FNDC3A: variants seen among roughly 807,000 people sequenced by gnomAD.
FNDC3A encodes the protein fibronectin type III domain containing 3A.
In FNDC3A, 32 loss-of-function variants were observed where a neutral mutation model predicts 148.9. The ratio of observed to expected loss-of-function variants is 0.21; its 90% CI spans 0.16 to 0.29. The LOEUF is 0.29. Among genes scored for constraint, FNDC3A ranks in the 10% least tolerant of loss-of-function variants. FNDC3A has a pLI of 1.00. For missense variants in FNDC3A, 1,191 were observed against 1,452.8 expected (o/e 0.82, Z 2.93); for synonymous variants, 472 against 473.6 (o/e 1.00, Z 0.04).
chr13:49,127,540 C>T (rs1448255610), intron 4 of FNDC3A, among the ~76,000 whole-genome samples: 1 of 152,190 alleles, frequency 6.6e-6, no homozygotes, highest in East Asian at 1.9e-4. Context: ...CTATCAGCAG[C>T]ATTTGACACA....
At chr13:49,065,481 C>G (rs1055556768) in intron 2 of FNDC3A, among the ~76,000 whole-genome samples, 3 of 152,220 alleles carry the variant, frequency 2.0e-5, no homozygotes, top group South Asian at 4.1e-4. Context: ...TGCCACTCTT[C>G]CATTAGAATG....
chr13:49,159,550 C>G (rs1450971951), intron 8 of FNDC3A, among the ~76,000 whole-genome samples: 2 of 152,196 alleles, frequency 1.3e-5, no homozygotes, highest in African/African-American at 4.8e-5. Context: ...AATATACAAT[C>G]ATGTCATCTG....
At chr13:49,087,775 A>C (rs1878909210) in intron 3 of FNDC3A, among the ~76,000 whole-genome samples, 1 of 152,134 alleles carries the variant, frequency 6.6e-6, no homozygotes, top group African/African-American at 2.4e-5. Context: ...TTATAAAATA[A>C]ATATGTGTAA....
intron 8 of FNDC3A, among the ~76,000 whole-genome samples, chr13:49,157,534 C>A (rs1883775561): frequency 6.7e-6 from 1 of 150,102 alleles, no homozygotes; most frequent in African/African-American, 2.4e-5. Context: ...CAAAGTCATT[C>A]TCCATCCAGC....
intron 1 of FNDC3A, among the ~76,000 whole-genome samples, chr13:48,998,912 C>T (rs1952073784): frequency 6.6e-6 from 1 of 152,104 alleles, no homozygotes; most frequent in South Asian, 2.1e-4. Flanking sequence ...AAATAGAGAA[C>T]ATGGGATAGA....
At chr13:48,979,375 A>T (rs1951659699) in intron 1 of FNDC3A, among the ~76,000 whole-genome samples, 1 of 152,188 alleles carries the variant, frequency 6.6e-6, no homozygotes, top group Non-Finnish European at 1.5e-5. Flanking sequence ...TGAGAGCTAG[A>T]ACAATCCTGG....
chr13:49,188,519 C>A lies in FNDC3A; in HGVS notation c.1830C>A (p.Asn610Lys), dbSNP rs769991309. 8 of 1,605,358 alleles carry A rather than the reference C, an allele frequency of 5.0e-6. No individual in the cohort carries two copies. In the South Asian group the frequency reaches 6.6e-5, roughly 13 times the overall value. ...VVEMAEGSNG[N>K]KWEMIYSGAT... ...ACACAATTCCTCACCTTACAGGAAA[C>A]AAATGGGAAATGATATACAGTGGTG... is the stretch of plus-strand genomic sequence containing the variant. Residue 610 changes from asparagine (N) to lysine (K), a missense_variant, in exon 17 of 26, where the codon AAC (asparagine) becomes AAA (lysine). Coordinates refer to ENST00000492622, the MANE Select transcript of FNDC3A (RefSeq NM_001079673.2).
intron 2 of FNDC3A, among the ~76,000 whole-genome samples, chr13:49,030,836 C>T (rs1341550515): frequency 2.0e-5 from 3 of 152,058 alleles, no homozygotes; most frequent in African/African-American, 4.8e-5. Flanking sequence ...CCATAAAACT[C>T]ACTGAAAGAA....
At chr13:49,141,718 A>G (rs1309214174) in intron 7 of FNDC3A, among the ~76,000 whole-genome samples, 1 of 152,204 alleles carries the variant, frequency 6.6e-6, no homozygotes, top group Non-Finnish European at 1.5e-5. Context: ...TCTCAAGGGT[A>G]GTTTTGATGA....
chr13:49,182,015 A>G (rs1885332023), intron 14 of FNDC3A, among the ~76,000 whole-genome samples: 1 of 152,106 alleles, frequency 6.6e-6, no homozygotes, highest in Admixed American at 6.6e-5. Flanking sequence ...AGGGGCTCAC[A>G]CCATCACCCA....
Position 49,029,319 on chromosome 13 carries a change from G to A in FNDC3A, c.99+23030G>A, listed in dbSNP as rs150133934. 7.7e-3 allele frequency among the ~76,000 whole-genome samples: 1,166 copies of A among 152,234 alleles called. 20 individuals are homozygous for A. Among genetic ancestry groups the A allele is most frequent in the African/African-American group, 0.027 (1,107 of 41,532 alleles). ...AAATTAAAGAGTATATTTCTACAAA[G>A]CCAGTAGGCCAAAGAATAAATCACA... On this transcript the variant is annotated intron_variant, in intron 2 of 25. Coordinates refer to ENST00000492622, the MANE Select transcript of FNDC3A (RefSeq NM_001079673.2).
intron 19 of FNDC3A, among the ~76,000 whole-genome samples, chr13:49,193,261 CAGAT>C (rs1199125081): frequency 1.3e-5 from 2 of 152,076 alleles, no homozygotes; most frequent in Non-Finnish European, 2.9e-5. Flanking sequence ...TGTGTATAGA[CAGAT>C]AGACAGACTT....
chr13:49,196,432 T>C (rs187825829), intron 19 of FNDC3A, among the ~76,000 whole-genome samples: 6 of 152,316 alleles, frequency 3.9e-5, no homozygotes, highest in Admixed American at 2.0e-4. Context: ...AATAAACAAA[T>C]TTATAGAACA....
At position 49,086,621 on chromosome 13, in the gene FNDC3A, A is replaced by G. The variant is rs1308780253; in HGVS notation, c.175+11257A>G. ...CTCAAGTCAAAACCACATGTAGTAG[A>G]TTTTTATTCCCATATGACTATTTAC... On this transcript the variant is annotated intron_variant, in intron 3 of 25. Coordinates refer to ENST00000492622, the MANE Select transcript of FNDC3A (RefSeq NM_001079673.2). Among the ~76,000 whole-genome samples the G allele has an allele frequency of 2.0e-5, 3 of 152,208 alleles. No homozygotes were observed. In the East Asian group the frequency reaches 5.8e-4, roughly 29 times the overall value.
intron 4 of FNDC3A, among the ~76,000 whole-genome samples, chr13:49,116,189 A>G (rs1446871463): frequency 5.9e-5 from 9 of 151,998 alleles, no homozygotes; most frequent in Non-Finnish European, 1.2e-4. Flanking sequence ...TTTTCATTTC[A>G]CTTCATCGTG....
chr13:49,081,968 C>CTTT (rs11332071), intron 3 of FNDC3A, among the ~76,000 whole-genome samples: 1 of 144,544 alleles, frequency 6.9e-6, no homozygotes, highest in Non-Finnish European at 1.5e-5. Context: ...AAATCAGTAC[C>CTTT]TTTTTTTTTT....
At chr13:49,107,270 G>A (rs1880257021) in intron 3 of FNDC3A, among the ~76,000 whole-genome samples, 1 of 152,174 alleles carries the variant, frequency 6.6e-6, no homozygotes. Flanking sequence ...AGAAAGTAGA[G>A]TTATATAGAG....
intron 1 of FNDC3A, among the ~76,000 whole-genome samples, chr13:48,990,506 C>A (rs1350164852): frequency 7.1e-6 from 1 of 140,140 alleles, no homozygotes; most frequent in African/African-American, 2.7e-5. Context: ...AATCCCAGCA[C>A]TTTCGGAGGC....
chr13:49,015,300 G>T (rs1224507011), intron 2 of FNDC3A, among the ~76,000 whole-genome samples: 2 of 152,130 alleles, frequency 1.3e-5, no homozygotes, highest in Non-Finnish European at 2.9e-5. Context: ...AGTTCTCCTT[G>T]AAGAGGTCCT....
Sources: allele counts gnomAD v4.1 joint callset (sites outside exome capture counted in the v4.1 genomes callset), GRCh38; gene constraint gnomAD v4.1.1; transcripts MANE v1.5; gene names NCBI Gene and HGNC (gene_info 2026-07-23, HGNC 2026-07-21).